Variants in TRIT1 observed in about 807,000 individuals in gnomAD.
The protein encoded by TRIT1 is tRNA isopentenyltransferase 1, also known as tRNA dimethylallyltransferase.
In TRIT1, 43 loss-of-function variants were observed where a neutral mutation model predicts 51.2. That is an observed-to-expected ratio of 0.84 (90% CI 0.66 to 1.08). TRIT1 has a LOEUF of 1.08. Ranked by LOEUF, TRIT1 falls within the 50% of genes least tolerant of loss-of-function variation. The pLI, the probability that TRIT1 is intolerant of heterozygous loss-of-function variation, is 0.00. For missense variants in TRIT1, 528 were observed against 578.4 expected, an observed-to-expected ratio of 0.91 and a Z score of 0.89; for synonymous variants, 184 against 203.9, an observed-to-expected ratio of 0.90 and a Z score of 0.83.
intron 1 of TRIT1, among the ~76,000 whole-genome samples, chr1:39,869,496 C>T (rs974958041): frequency 6.6e-6 from 1 of 152,164 alleles, no homozygotes; most frequent in Non-Finnish European, 1.5e-5. Context: ...CCCAAAGTGC[C>T]GAGATTGCAG....
In TRIT1 at chr1:39,883,487, G is replaced by A. The variant is rs767658848; in HGVS notation, c.5C>T (p.Ala2Val). Residue 2 changes from alanine to valine, a missense_variant, in exon 1 of 11, where the codon GCG becomes GTG. Physicochemically the swap from Ala to Val is moderately conservative, Grantham distance 64. Coordinates refer to ENST00000316891, the MANE Select transcript of TRIT1 (RefSeq NM_017646.6). M[A>V]SVAAARAVPV... ...AACTGCTCGTGCAGCCGCCACGGACGCCATCTTATGGCAGTCTGCGCTTGC... is the reference window on the plus strand; with the variant it reads ...AACTGCTCGTGCAGCCGCCACGGACACCATCTTATGGCAGTCTGCGCTTGC... 8 of 1,595,218 alleles carry A rather than the reference G, an allele frequency of 5.0e-6. No individual in the cohort carries two copies. Among genetic ancestry groups the A allele is most frequent in the South Asian group, 3.3e-5 (3 of 90,546 alleles).
chr1:39,844,066 TTA>T (rs1330782714), intron 10 of TRIT1, 33 bp downstream of exon 10: 1 of 1,487,354 alleles, frequency 6.7e-7, no homozygotes, highest in South Asian at 1.1e-5. Context: ...GAACCCACCC[TTA>T]TAGATTTCTT....
intron 1 of TRIT1, among the ~76,000 whole-genome samples, chr1:39,872,068 ATTTT>A (rs59839907): frequency 2.6e-5 from 3 of 114,252 alleles, no homozygotes; most frequent in African/African-American, 1.1e-4. Context: ...GGCCTGACTA[ATTTT>A]TTTTTTTTTT....
At chr1:39,882,853 C>G (rs559623829) in intron 1 of TRIT1, among the ~76,000 whole-genome samples, 1 of 152,340 alleles carries the variant, frequency 6.6e-6, no homozygotes, top group South Asian at 2.1e-4. Context: ...ACTGTCAACC[C>G]TATTCCACTC....
intron 1 of TRIT1, among the ~76,000 whole-genome samples, chr1:39,870,855 C>T (rs4661005): frequency 6.6e-6 from 1 of 152,134 alleles, no homozygotes; most frequent in Admixed American, 6.6e-5. Context: ...TTTACAATAG[C>T]TTTCTTTATA....
Position 39,841,767 on chromosome 1 carries a change from G to T in TRIT1, c.1381C>A (p.Gln461Lys), listed in dbSNP as rs768054657. ...TCTTAAACGCTGCATTTCAGCTCTT[G>T]ATCATTCTGCCCTGGGGATCCCTTC... ...KEKGSPGQND[Q>K]ELKCSV Residue 461 changes from glutamine (Q) to lysine (K), a missense_variant, in exon 11 of 11, where the codon CAA becomes AAA. This residue lies in a region of TRIT1 where 468 missense variants were observed against 522.6 expected (regional missense o/e 0.90). Transcript: ENST00000316891. The T allele has an allele frequency of 1.2e-6, 2 of 1,612,434 alleles. No individual in the cohort carries two copies. Among genetic ancestry groups the T allele is most frequent in the Non-Finnish European group, 1.7e-6 (2 of 1,179,536 alleles).
At chr1:39,844,754 G>C (rs1037613040) in intron 8 of TRIT1, 114 bp from the exon 9 acceptor site, 2 of 706,618 alleles carry the variant, frequency 2.8e-6, no homozygotes, top group African/African-American at 3.6e-5. Context: ...TAAACATTCT[G>C]ACCATGCTGT....
chr1:39,856,479 C>A (rs1642905383), intron 2 of TRIT1, among the ~76,000 whole-genome samples: 1 of 106,228 alleles, frequency 9.4e-6, no homozygotes, highest in East Asian at 2.8e-4. Context: ...GTGAGACTGT[C>A]TCTAGGAGAA....
intron 1 of TRIT1, among the ~76,000 whole-genome samples, chr1:39,878,694 G>A (rs920218031): frequency 1.3e-5 from 2 of 152,184 alleles, no homozygotes; most frequent in African/African-American, 4.8e-5. Flanking sequence ...CAACAAAGAA[G>A]TTTACTGTTC....
chr1:39,847,253 G>A lies in TRIT1; in HGVS notation c.973C>T (p.Gln325Ter). The A allele has an allele frequency of 6.2e-7, 1 of 1,614,128 alleles. No homozygotes were observed. Among genetic ancestry groups the A allele is most frequent in the South Asian group, 1.1e-5 (1 of 91,080 alleles). The change falls in exon 8 of 11, where the codon CAA becomes TAA. Residue 325 changes from glutamine (Q) to a stop codon, truncating the protein, a stop_gained. Coordinates refer to ENST00000316891, the MANE Select transcript of TRIT1 (RefSeq NM_017646.6). LOFTEE classifies it high-confidence loss of function. ...AAACGGTTTTTAACCCATCGGTTTT[G>A]TTTCCGGGCATATCTCTTAGTTACT... is the stretch of plus-strand genomic sequence containing the variant. ...KQVTKRYARK[Q>*]NRWVKNRFLS...
chr1:39,868,599 G>A (rs531185385), intron 1 of TRIT1, among the ~76,000 whole-genome samples: 217 of 147,836 alleles, frequency 1.5e-3, no homozygotes, highest in Non-Finnish European at 2.7e-3. Context: ...AGCCAAGATC[G>A]CGCCATTGCA....
intron 1 of TRIT1, among the ~76,000 whole-genome samples, chr1:39,880,735 G>A (rs989528177): frequency 1.3e-5 from 2 of 151,660 alleles, no homozygotes; most frequent in Non-Finnish European, 2.9e-5. Context: ...GGAGGCAGAG[G>A]GGGCAGTGAG....
rs184553087 is a variant in TRIT1, at chr1:39,861,721, C to T, written c.175-4304G>A. Among the ~76,000 whole-genome samples, 319 of 152,120 alleles carry T rather than the reference C, an allele frequency of 2.1e-3. 2 individuals are homozygous for T. Among genetic ancestry groups the T allele is most frequent in the Middle Eastern group, 0.01 (3 of 294 alleles). ...GATGGATCACCTGAGGTCAGGAGTT[C>T]GAGACCAGCCTGACCAATATGGTGA... On this transcript the variant is annotated intron_variant, in intron 1 of 10. Transcript: ENST00000316891.
intron 2 of TRIT1, 74 bp downstream of exon 2, chr1:39,857,203 T>C: frequency 3.3e-6 from 5 of 1,500,544 alleles, no homozygotes; most frequent in Middle Eastern, 2.3e-4. Flanking sequence ...AAATTGCCAC[T>C]AGAAAGAAAA....
At chr1:39,866,815 C>A (rs1032215568) in intron 1 of TRIT1, among the ~76,000 whole-genome samples, 6 of 151,914 alleles carry the variant, frequency 3.9e-5, no homozygotes, top group Non-Finnish European at 7.4e-5. Context: ...ACAAAAAAAA[C>A]AAAACAAAAA....
intron 3 of TRIT1, 103 bp downstream of exon 3, chr1:39,853,867 T>C: frequency 1.3e-6 from 1 of 744,414 alleles, no homozygotes; most frequent in Middle Eastern, 2.4e-4. Context: ...TTATAGTTGC[T>C]GGGTATAAGA....
Position 39,844,617 on chromosome 1 carries a change from CAG to C in TRIT1, c.1028_1029del (p.Pro343ArgfsTer8), listed in dbSNP as rs1491290896. 3.1e-6 allele frequency: 5 copies of C among 1,613,752 alleles called. No individual in the cohort carries two copies. The highest frequency in any genetic ancestry group is 2.5e-6 in the Non-Finnish European group (3 of 1,179,770). On this transcript the variant is annotated frameshift_variant, in exon 9 of 11. Transcript: ENST00000316891. LOFTEE classifies it high-confidence loss of function. ...FLSRPGPIVP[P>X]VYGLEVSDVS... ...ACATCAGATACCTCTAAGCCATAGA[CAG>C]GGGGGACAATGGGACCAGGTCCTAA...
intron 1 of TRIT1, among the ~76,000 whole-genome samples, chr1:39,882,892 A>G (rs1243979398): frequency 1.3e-5 from 2 of 152,058 alleles, no homozygotes; most frequent in South Asian, 2.1e-4. Flanking sequence ...GTGGTATCCA[A>G]TTTATCCTGA....
intron 5 of TRIT1, 92 bp downstream of exon 5, chr1:39,850,027 G>A (rs570662201): frequency 2.2e-6 from 3 of 1,376,734 alleles, no homozygotes; most frequent in African/African-American, 2.9e-5. Context: ...TGTTTATTAT[G>A]AGCCACCCAT....
Sources: allele counts gnomAD v4.1 joint callset (sites outside exome capture counted in the v4.1 genomes callset), GRCh38; gene constraint gnomAD v4.1.1; regional missense constraint gnomAD v4.1.1; transcripts MANE v1.5; gene names NCBI Gene and HGNC (gene_info 2026-07-23, HGNC 2026-07-21).